Variants in ITGA6 observed in about 807,000 individuals in gnomAD.
The protein encoded by ITGA6 is integrin subunit alpha 6.
Under a neutral mutation model 133.6 loss-of-function variants are expected in ITGA6, and 63 were observed. The observed-to-expected ratio is 0.47, with a 90% confidence interval of 0.38 to 0.58. The LOEUF is 0.58. Among genes scored for constraint, ITGA6 ranks in the 20% least tolerant of loss-of-function variants. The pLI, the probability that ITGA6 is intolerant of heterozygous loss-of-function variation, is 0.00. For missense variants in ITGA6, 1,068 were observed against 1,309.4 expected, an observed-to-expected ratio of 0.82 and a Z score of 2.85; for synonymous variants, 434 against 482.0, an observed-to-expected ratio of 0.90 and a Z score of 1.30.
At chr2:172,458,296 A>G (rs1033876524) in intron 1 of ITGA6, among the ~76,000 whole-genome samples, 5 of 150,102 alleles carry the variant, frequency 3.3e-5, no homozygotes, top group African/African-American at 1.2e-4. Flanking sequence ...GCTGGAGTGC[A>G]GTAGTACAAT....
Position 172,427,943 on chromosome 2 carries a change from G to T in ITGA6, c.155G>T (p.Trp52Leu). The T allele has an allele frequency of 1.2e-6, 2 of 1,606,544 alleles. No individual in the cohort carries two copies. Among genetic ancestry groups the T allele is most frequent in the Non-Finnish European group, 1.7e-6 (2 of 1,176,970 alleles). The change falls in exon 1 of 26, where the codon TGG becomes TTG. Residue 52 changes from tryptophan to leucine, a missense_variant. Transcript: ENST00000684293. ...TTCGGCTTCTCGCTGGCCATGCACTGGCAACTGCAGCCCGAGGACAAGCGG... is the reference window on the plus strand; with the variant it reads ...TTCGGCTTCTCGCTGGCCATGCACTTGCAACTGCAGCCCGAGGACAAGCGG... Reference protein sequence around the residue: ...SLFGFSLAMHWQLQPEDKRLL... With the variant: ...SLFGFSLAMHLQLQPEDKRLL...
intron 25 of ITGA6, 54 bp from the exon 26 acceptor site, chr2:172,504,037 A>G: frequency 1.4e-6 from 2 of 1,390,486 alleles, no homozygotes; most frequent in Admixed American, 2.2e-5. Flanking sequence ...CATTTAGTGT[A>G]TTTGCTTCTT....
intron 8 of ITGA6, 148 bp from the exon 9 acceptor site, chr2:172,476,247 G>T: frequency 1.5e-6 from 1 of 662,326 alleles, no homozygotes; most frequent in Non-Finnish European, 2.8e-6. Context: ...AGATCATATA[G>T]AAATTTATGA....
rs1490692118 is a variant in ITGA6 at position 172,505,208 on chromosome 2, G to A, written c.*1140G>A. The A allele has an allele frequency of 6.6e-6, 1 of 152,494 alleles. No homozygotes were observed. Among genetic ancestry groups the A allele is most frequent in the African/African-American group, 2.4e-5 (1 of 41,454 alleles). The allele number at this position is 152,494 out of a possible 1,614,324, so 9.4% of individuals were successfully genotyped here. A position where few individuals can be genotyped will look rare whatever the true frequency, so the allele number is the denominator to read the frequency against. ...GCATTGGATATTTTTTACTTTAGAAGCCTGCATAATGTTTCTGGATTTCAT... is the reference window on the plus strand; with the variant it reads ...GCATTGGATATTTTTTACTTTAGAAACCTGCATAATGTTTCTGGATTTCAT... On this transcript the variant is annotated 3_prime_UTR_variant, in exon 26 of 26. Coordinates refer to ENST00000684293, the MANE Select transcript of ITGA6 (RefSeq NM_000210.4).
chr2:172,441,559 TAAAAAAAAAAAAAAA>T (rs57828626), intron 1 of ITGA6, among the ~76,000 whole-genome samples: 1,122 of 48,876 alleles, frequency 0.023, 32 homozygotes, highest in Non-Finnish European at 0.035. Context: ...GCTGTCTCTT[TAAAAAAAAAAAAAAA>T]AAAAAAAAAA....
In ITGA6 at chr2:172,465,649, AGTTTGAT is replaced by A. The variant is rs1232973831; in HGVS notation, c.294_300del (p.Phe99ThrfsTer29). 1 of 1,614,230 alleles carries A rather than the reference AGTTTGAT, an allele frequency of 6.2e-7. No homozygotes were observed. On this transcript the variant is annotated frameshift_variant, in exon 2 of 26. Transcript: ENST00000684293. LOFTEE classifies it high-confidence loss of function. ...GCCCGGGGGCCATGCACGCGGATCG[AGTTTGAT>A]AACGATGGTGCGTTCCTTTCCCTCA...
At chr2:172,434,969 A>G (rs944235254) in intron 1 of ITGA6, among the ~76,000 whole-genome samples, 9 of 151,806 alleles carry the variant, frequency 5.9e-5, no homozygotes, top group African/African-American at 1.7e-4. Flanking sequence ...GGTGATATCA[A>G]TGTCACTGTG....
intron 2 of ITGA6, among the ~76,000 whole-genome samples, chr2:172,466,861 T>C (rs1190157653): frequency 6.6e-6 from 1 of 152,174 alleles, no homozygotes; most frequent in African/African-American, 2.4e-5. Context: ...AATTTGGATA[T>C]AGGTCACACA....
intron 23 of ITGA6, chr2:172,495,504 A>G (rs1687090219): frequency 6.6e-6 from 1 of 152,230 alleles, no homozygotes; most frequent in South Asian, 2.1e-4. Flanking sequence ...TCTCAATCCC[A>G]GCTGGAGAAT....
At chr2:172,450,992 T>C (rs1042724230) in intron 1 of ITGA6, among the ~76,000 whole-genome samples, 1 of 148,286 alleles carries the variant, frequency 6.7e-6, no homozygotes, top group Non-Finnish European at 1.5e-5. Flanking sequence ...TGTATATATA[T>C]ACACACACAA....
In ITGA6 at chr2:172,491,007, GA is replaced by G. The variant is rs1230423513; in HGVS notation, c.2680-16del. On this transcript the variant is annotated splice_polypyrimidine_tract_variant and intron_variant, in intron 20 of 25. Transcript: ENST00000684293. The surrounding 1 kb of genome is among the most constrained non-coding windows in gnomAD (Gnocchi z 4.4). The stretch of plus-strand genomic sequence containing the variant: ...AATTACATAAATTGGAACTATTTTG[GA>G]TATAATTTTTTTCAGGAGTCTCACA... The G allele has an allele frequency of 1.5e-5, 18 of 1,219,362 alleles. No individual in the cohort carries two copies. Among genetic ancestry groups the G allele is most frequent in the Non-Finnish European group, 2.2e-5 (18 of 821,496 alleles). The allele number at this position is 1,219,362 out of a possible 1,614,324, so 75.5% of individuals were successfully genotyped here.
chr2:172,444,288 C>T (rs186100858), intron 1 of ITGA6, among the ~76,000 whole-genome samples: 307 of 152,286 alleles, frequency 2.0e-3, no homozygotes, highest in South Asian at 0.011. Flanking sequence ...GTAGTAGCTG[C>T]TACAGGCATA....
chr2:172,478,913 G>C (rs1204514444), intron 9 of ITGA6, among the ~76,000 whole-genome samples: 2 of 152,176 alleles, frequency 1.3e-5, no homozygotes, highest in African/African-American at 4.8e-5. Context: ...CGCTGATCAT[G>C]AGCATCTCAG....
rs374974553 is a variant in ITGA6, at chr2:172,478,695, G to A, written c.1389-946G>A. 1.4e-4 allele frequency among the ~76,000 whole-genome samples: 21 copies of A among 152,352 alleles called. 1 individual carries two copies. Among genetic ancestry groups the A allele is most frequent in the African/African-American group, 4.8e-4 (20 of 41,564 alleles). On this transcript the variant is annotated intron_variant, in intron 9 of 25. Coordinates refer to ENST00000684293, the MANE Select transcript of ITGA6 (RefSeq NM_000210.4). Reference sequence around the variant, plus strand: ...TGTTTGCGGGGTTGCAGTAGGCAGCGCAGAGATGGGAAGAAGTTTAAAAGT... The same window carrying A: ...TGTTTGCGGGGTTGCAGTAGGCAGCACAGAGATGGGAAGAAGTTTAAAAGT...
chr2:172,448,123 G>C (rs2149012060), intron 1 of ITGA6, among the ~76,000 whole-genome samples: 1 of 152,272 alleles, frequency 6.6e-6, no homozygotes, highest in Non-Finnish European at 1.5e-5. Context: ...GGCATCTTGT[G>C]AAATTTTGGG....
At chr2:172,462,238 T>C (rs1685456916) in intron 1 of ITGA6, among the ~76,000 whole-genome samples, 1 of 152,150 alleles carries the variant, frequency 6.6e-6, no homozygotes, top group African/African-American at 2.4e-5. Flanking sequence ...CTGCTGGGTG[T>C]CAGCTCTTCC....
chr2:172,500,152 G>T (rs1463531169), intron 24 of ITGA6, among the ~76,000 whole-genome samples: 2 of 151,982 alleles, frequency 1.3e-5, no homozygotes, highest in African/African-American at 2.4e-5. Flanking sequence ...AGCTAAACTA[G>T]GCAGGATGAA....
At chr2:172,451,462 TAAAAAAAA>T (rs57101233) in intron 1 of ITGA6, among the ~76,000 whole-genome samples, 1 of 135,498 alleles carries the variant, frequency 7.4e-6, no homozygotes, top group African/African-American at 2.7e-5. Flanking sequence ...GAGACTATCT[TAAAAAAAA>T]AAAAAAAAGG....
chr2:172,450,820 G>GTA (rs951526084), intron 1 of ITGA6, among the ~76,000 whole-genome samples: 13 of 141,246 alleles, frequency 9.2e-5, no homozygotes, highest in South Asian at 2.2e-4. Flanking sequence ...GTATGTATGT[G>GTA]TATATATATA....
Sources: allele counts gnomAD v4.1 joint callset (sites outside exome capture counted in the v4.1 genomes callset), GRCh38; gene constraint gnomAD v4.1.1; non-coding constraint Gnocchi (gnomAD v3.1); transcripts MANE v1.5; gene names NCBI Gene and HGNC (gene_info 2026-07-23, HGNC 2026-07-21).